Variants in ADGRE3 observed in about 807,000 individuals in gnomAD.
ADGRE3 encodes EGF-like module receptor 3.
In ADGRE3, 88 loss-of-function variants were observed where a neutral mutation model predicts 80.1. That is an observed-to-expected ratio of 1.10 (90% CI 0.93 to 1.31). The LOEUF (loss-of-function observed/expected upper bound fraction) is 1.31, where lower values mean the gene tolerates loss of function less well. ADGRE3 is among the 40% of genes most tolerant of loss of function. The pLI, the probability that ADGRE3 is intolerant of heterozygous loss-of-function variation, is 0.00. For synonymous variants in ADGRE3, 281 were observed against 294.8 expected, an observed-to-expected ratio of 0.95 and a Z score of 0.48; for missense variants, 715 against 776.5, an observed-to-expected ratio of 0.92 and a Z score of 0.94.
chr19:14,617,344 T>TCCCTCTCTTTCTTTC (rs774654059), downstream of ADGRE3, among the ~76,000 whole-genome samples: 1 of 49,332 alleles, frequency 2.0e-5, no homozygotes, highest in Non-Finnish European at 4.0e-5. Flanking sequence ...CTCCCTCCCT[T>TCCCTCTCTTTCTTTC]TCTTTCTTTC....
chr19:14,613,085 C>T, the ADGRE3 span, among the ~76,000 whole-genome samples: 1 of 152,016 alleles, frequency 6.6e-6, no homozygotes, highest in African/African-American at 2.4e-5. Context: ...GCCACCATGC[C>T]TGGCTAATTT....
chr19:14,606,169 CA>C, the ADGRE3 span, among the ~76,000 whole-genome samples: 1 of 150,804 alleles, frequency 6.6e-6, no homozygotes, highest in African/African-American at 2.4e-5. Context: ...CAAGAGAAAC[CA>C]AAAAAAATCA....
intron 15 of ADGRE3, among the ~76,000 whole-genome samples, chr19:14,625,255 C>T (rs1970705567): frequency 6.6e-6 from 1 of 152,230 alleles, no homozygotes; most frequent in African/African-American, 2.4e-5. Flanking sequence ...GCTGGGATTA[C>T]AGGCATGAGC....
intron 11 of ADGRE3, among the ~76,000 whole-genome samples, chr19:14,636,086 C>CTTTCTTTCTTTCTTTCTTTCTT (rs1555755791): frequency 9.0e-5 from 2 of 22,152 alleles, no homozygotes; most frequent in Admixed American, 5.4e-4. Context: ...CTTTCCCTTT[C>CTTTCTTTCTTTCTTTCTTTCTT]TTTCTTTCTT....
chr19:14,655,256 C>T, intron 5 of ADGRE3, 91 bp from the exon 6 acceptor site: 3 of 1,201,640 alleles, frequency 2.5e-6, no homozygotes, highest in Non-Finnish European at 3.5e-6. Context: ...AGAAAGCAGG[C>T]TCTGGAGCTG....
chr19:14,630,760 A>G (rs959910660), intron 13 of ADGRE3, among the ~76,000 whole-genome samples: 4 of 152,140 alleles, frequency 2.6e-5, no homozygotes, highest in Non-Finnish European at 5.9e-5. Context: ...GGGTTGCTAT[A>G]AAGATTACAT....
chr19:14,650,935 C>CTTTTT, intron 7 of ADGRE3, 150 bp downstream of exon 7: 1 of 721,350 alleles, frequency 1.4e-6, no homozygotes, highest in Non-Finnish European at 2.1e-6. Flanking sequence ...GGGAAAATGT[C>CTTTTT]TTTTTTTTTT....
chr19:14,607,418 T>G, the ADGRE3 span, among the ~76,000 whole-genome samples: 10 of 151,728 alleles, frequency 6.6e-5, no homozygotes, highest in East Asian at 1.6e-3. Flanking sequence ...TTAGCCAGGA[T>G]GGTCTTGATC....
At chr19:14,648,552 C>A (rs1468054490) in intron 7 of ADGRE3, among the ~76,000 whole-genome samples, 1 of 152,202 alleles carries the variant, frequency 6.6e-6, no homozygotes, top group Non-Finnish European at 1.5e-5. Flanking sequence ...TGCCTCTTAC[C>A]TACTGTGATA....
rs547182639 is a variant in ADGRE3, at chr19:14,654,840, G to A, written c.577+142C>T. 1.3e-4 allele frequency: 81 copies of A among 620,142 alleles called. 1 individual carries two copies. Among genetic ancestry groups the A allele is most frequent in the Middle Eastern group, 5.4e-4 (2 of 3,702 alleles). The allele number at this position is 620,142 out of a possible 1,614,324, so 38.4% of individuals were successfully genotyped here. On this transcript the variant is annotated intron_variant, in intron 6 of 15. Coordinates refer to ENST00000253673, the MANE Select transcript of ADGRE3 (RefSeq NM_032571.5). ...TCCCTGTCACTCTAGATAAGTTTGCGTTTTCTAGAATTTATATAAATTTTT... is the reference window on the plus strand; with the variant it reads ...TCCCTGTCACTCTAGATAAGTTTGCATTTTCTAGAATTTATATAAATTTTT...
the ADGRE3 span, chr19:14,610,097 C>T: frequency 5.6e-6 from 9 of 1,613,078 alleles, no homozygotes; most frequent in African/African-American, 1.3e-5. Flanking sequence ...ATAACATCCA[C>T]GATGAGGACT....
At chr19:14,617,004 A>G (rs1393574956), downstream of ADGRE3, among the ~76,000 whole-genome samples, 2 of 150,546 alleles carry the variant, frequency 1.3e-5, no homozygotes, top group African/African-American at 2.4e-5. Context: ...CATGTTGGTC[A>G]GGCTGGTCTC....
chr19:14,648,993 T>C (rs377737715), intron 7 of ADGRE3, among the ~76,000 whole-genome samples: 111 of 145,948 alleles, frequency 7.6e-4, no homozygotes, highest in African/African-American at 2.7e-3. Context: ...CCCATCTCTC[T>C]CTTTCGATCT....
chr19:14,617,963 A>T (rs1165236531), downstream of ADGRE3, among the ~76,000 whole-genome samples: 2 of 152,202 alleles, frequency 1.3e-5, no homozygotes, highest in African/African-American at 4.8e-5. Context: ...CTTTTTTATT[A>T]AGTTCCATAG....
intron 15 of ADGRE3, among the ~76,000 whole-genome samples, chr19:14,623,296 A>T (rs74479913): frequency 0.013 from 302 of 22,514 alleles, 65 homozygotes; most frequent in East Asian, 0.026. Context: ...AAAAAAAAAA[A>T]AATAAAAAAA....
the ADGRE3 span, chr19:14,610,005 A>C: frequency 7.9e-7 from 1 of 1,268,356 alleles, no homozygotes. Flanking sequence ...AGTATTATAC[A>C]GAAGAGTTTC....
chr19:14,666,754 C>T (rs932386379), intron 2 of ADGRE3, among the ~76,000 whole-genome samples: 9 of 152,212 alleles, frequency 5.9e-5, no homozygotes, highest in African/African-American at 2.2e-4. Context: ...ATGCACAATT[C>T]TCCTGGGGGG....
At chr19:14,642,845 G>A (rs147976625) in intron 9 of ADGRE3, among the ~76,000 whole-genome samples, 38 of 152,258 alleles carry the variant, frequency 2.5e-4, no homozygotes, top group African/African-American at 8.7e-4. Flanking sequence ...GGGCATTTAG[G>A]TTGATTCTAT....
downstream of ADGRE3, among the ~76,000 whole-genome samples, chr19:14,617,377 C>CTTTTTTT (rs1491527496): frequency 1.2e-5 from 1 of 86,306 alleles, no homozygotes; most frequent in Non-Finnish European, 2.2e-5. Flanking sequence ...TTTCTTTCTT[C>CTTTTTTT]CTTTCTTTCT....
Sources: allele counts gnomAD v4.1 joint callset (sites outside exome capture counted in the v4.1 genomes callset), GRCh38; gene constraint gnomAD v4.1.1; transcripts MANE v1.5; gene names NCBI Gene and HGNC (gene_info 2026-07-23, HGNC 2026-07-21).